TMPRSS15: variants seen among roughly 807,000 people sequenced by gnomAD.
TMPRSS15 encodes enteropeptidase.
TMPRSS15 carries 128 observed loss-of-function variants against 125.3 expected under a neutral mutation model. The ratio of observed to expected loss-of-function variants is 1.02; its 90% CI spans 0.89 to 1.18. The LOEUF (loss-of-function observed/expected upper bound fraction) is 1.18, where lower values mean the gene tolerates loss of function less well. TMPRSS15 is among the 50% of genes most tolerant of loss of function. The pLI, the probability that TMPRSS15 is intolerant of heterozygous loss-of-function variation, is 0.00. For missense variants in TMPRSS15, 1,283 were observed against 1,212.7 expected (o/e 1.06, Z -0.86); for synonymous variants, 446 against 423.2 (o/e 1.05, Z -0.66).
chr21:18,275,217 C>T lies in TMPRSS15; in HGVS notation c.2884G>A (p.Gly962Arg), dbSNP rs1423096072. ...TTTACCTGACAAGAATCTATTCCTC[C>T]TTCTTCATAGCCTGCACATATCATA... ...ENMICAGYEEGGIDSCQGDSG... is the reference protein window; with the variant it reads ...ENMICAGYEERGIDSCQGDSG... The change falls in exon 24 of 25, where the codon GGA (glycine) becomes AGA (arginine). Residue 962 changes from glycine to arginine, a missense_variant. Transcript: ENST00000284885. 1.2e-6 allele frequency: 2 copies of T among 1,613,918 alleles called. No individual in the cohort carries two copies. The highest frequency in any genetic ancestry group is 1.7e-6 in the Non-Finnish European group (2 of 1,179,980).
chr21:18,403,079 A>G (rs899177802), intron 1 of TMPRSS15, among the ~76,000 whole-genome samples: 2 of 152,208 alleles, frequency 1.3e-5, no homozygotes, highest in African/African-American at 4.8e-5. Context: ...TTGCATGTTT[A>G]TCTACTTACA....
At chr21:18,305,613 T>A (rs899465524) in intron 18 of TMPRSS15, among the ~76,000 whole-genome samples, 5 of 152,196 alleles carry the variant, frequency 3.3e-5, no homozygotes, top group African/African-American at 1.2e-4. Flanking sequence ...TGAGACTAGG[T>A]GATTCTTATG....
intron 6 of TMPRSS15, among the ~76,000 whole-genome samples, chr21:18,365,955 G>C (rs539972652): frequency 6.6e-6 from 1 of 151,500 alleles, no homozygotes; most frequent in African/African-American, 2.4e-5. Flanking sequence ...GGCTGGTCTC[G>C]ATCTCCTGAC....
chr21:18,309,777 C>T (rs555225470), intron 18 of TMPRSS15, among the ~76,000 whole-genome samples: 3 of 152,104 alleles, frequency 2.0e-5, no homozygotes, highest in African/African-American at 7.2e-5. Flanking sequence ...AGTCAGGAAA[C>T]AACAGATGCT....
intron 5 of TMPRSS15, among the ~76,000 whole-genome samples, chr21:18,374,785 T>C (rs537300646): frequency 5.3e-4 from 80 of 152,090 alleles, no homozygotes; most frequent in Admixed American, 1.6e-3. Context: ...ACATGAAAGA[T>C]GAGGGCTAGA....
intron 5 of TMPRSS15, among the ~76,000 whole-genome samples, chr21:18,374,192 G>A (rs2075818293): frequency 6.6e-6 from 1 of 152,114 alleles, no homozygotes; most frequent in African/African-American, 2.4e-5. Context: ...TACATCAATA[G>A]GCCGGGCGCG....
chr21:18,365,049 G>T, intron 7 of TMPRSS15, 91 bp downstream of exon 7: 1 of 1,077,986 alleles, frequency 9.3e-7, no homozygotes, highest in Non-Finnish European at 1.4e-6. Context: ...TGAAAACAAT[G>T]ATTCTTTAAA....
chr21:18,272,548 A>G (rs368403863), intron 24 of TMPRSS15, among the ~76,000 whole-genome samples: 3 of 151,850 alleles, frequency 2.0e-5, no homozygotes, highest in African/African-American at 7.3e-5. Flanking sequence ...ACATGGTGAA[A>G]CCCGGTCTCT....
intron 1 of TMPRSS15, among the ~76,000 whole-genome samples, chr21:18,410,030 T>C (rs1217086885): frequency 6.6e-6 from 1 of 151,516 alleles, no homozygotes; most frequent in Non-Finnish European, 1.5e-5. Context: ...CCTACCTGTG[T>C]TATTTTTCAT....
chr21:18,349,775 G>T (rs998131885), intron 10 of TMPRSS15, among the ~76,000 whole-genome samples: 6 of 152,124 alleles, frequency 3.9e-5, no homozygotes, highest in Non-Finnish European at 5.9e-5. Context: ...CTTCATTTCA[G>T]ACCCGACTAT....
At chr21:18,281,575 T>C (rs573091365) in intron 21 of TMPRSS15, among the ~76,000 whole-genome samples, 1 of 152,168 alleles carries the variant, frequency 6.6e-6, no homozygotes, top group Non-Finnish European at 1.5e-5. Context: ...GGGTCTGGAA[T>C]AGTCCACCAG....
At chr21:18,433,845 TAATTAACATTTTTCTTATTTTGAAAAG>T in intron 1 of TMPRSS15, among the ~76,000 whole-genome samples, 1 of 152,222 alleles carries the variant, frequency 6.6e-6, no homozygotes, top group Admixed American at 6.5e-5. Flanking sequence ...AGATAAACTG[TAATTAACATTTTTCTTATTTTGAAAAG>T]TTGAAAAATA....
chr21:18,374,656 G>C (rs2075825628), intron 5 of TMPRSS15, among the ~76,000 whole-genome samples: 1 of 152,020 alleles, frequency 6.6e-6, no homozygotes, highest in South Asian at 2.1e-4. Flanking sequence ...ATAGGTGATG[G>C]CATTGGAAGA....
Position 18,468,200 on chromosome 21 carries a change from C to A in TMPRSS15, c.10+17599G>T, listed in dbSNP as rs553572489. Among the ~76,000 whole-genome samples the A allele has an allele frequency of 3.3e-5, 5 of 152,218 alleles. No individual in the cohort carries two copies. In the South Asian group the frequency reaches 8.3e-4, roughly 25 times the overall value. On this transcript the variant is annotated intron_variant, in intron 1 of 7. Coordinates refer to the TMPRSS15 transcript ENST00000422787. ...CAATGACTATTGACCATCCCTATTT[C>A]AACCCACTCATTTTTGGACAAGAAA... is the stretch of plus-strand genomic sequence containing the variant.
chr21:18,310,115 G>C (rs1394001933), intron 18 of TMPRSS15, among the ~76,000 whole-genome samples: 1 of 152,064 alleles, frequency 6.6e-6, no homozygotes, highest in East Asian at 1.9e-4. Flanking sequence ...TATATTAACA[G>C]GAAAAAGTTG....
chr21:18,297,613 T>C (rs1053618905), intron 19 of TMPRSS15, 121 bp downstream of exon 19: 10 of 726,798 alleles, frequency 1.4e-5, no homozygotes, highest in Non-Finnish European at 2.2e-5. Flanking sequence ...ATAATATAAG[T>C]CAAATAACTT....
At chr21:18,388,668 C>T (rs902378500) in intron 3 of TMPRSS15, among the ~76,000 whole-genome samples, 1 of 152,106 alleles carries the variant, frequency 6.6e-6, no homozygotes, top group Admixed American at 6.6e-5. Flanking sequence ...TGAATTGATG[C>T]TTTACTGCAG....
intron 8 of TMPRSS15, among the ~76,000 whole-genome samples, chr21:18,355,619 A>G (rs1156633731): frequency 6.6e-6 from 1 of 151,724 alleles, no homozygotes; most frequent in South Asian, 2.1e-4. Context: ...CAGCATCAGT[A>G]TTTGATTGAG....
At chr21:18,325,643 G>C (rs948422646) in intron 16 of TMPRSS15, among the ~76,000 whole-genome samples, 1 of 151,918 alleles carries the variant, frequency 6.6e-6, no homozygotes, top group African/African-American at 2.4e-5. Flanking sequence ...GTAGGAAGTA[G>C]CATATATTCT....
Sources: allele counts gnomAD v4.1 joint callset (sites outside exome capture counted in the v4.1 genomes callset), GRCh38; gene constraint gnomAD v4.1.1; transcripts MANE v1.5; gene names NCBI Gene and HGNC (gene_info 2026-07-23, HGNC 2026-07-21).